Variants in G3BP1 observed in about 807,000 individuals in gnomAD.
G3BP1 encodes the protein G3BP stress granule assembly factor 1, also known as ras GTPase-activating protein-binding protein 1.
In G3BP1, 35 loss-of-function variants were observed where a neutral mutation model predicts 58.6. That is an observed-to-expected ratio of 0.60 (90% CI 0.46 to 0.79). The LOEUF (loss-of-function observed/expected upper bound fraction) is 0.79, where lower values mean the gene tolerates loss of function less well. Ranked by LOEUF, G3BP1 falls within the 30% of genes least tolerant of loss-of-function variation. The pLI is 0.00. For synonymous variants in G3BP1, 191 were observed against 195.4 expected (o/e 0.98, Z 0.19); for missense variants, 523 against 580.8 (o/e 0.90, Z 1.02).
At chr5:151,792,466 A>G (rs1762675385) in intron 4 of G3BP1, among the ~76,000 whole-genome samples, 1 of 152,256 alleles carries the variant, frequency 6.6e-6, no homozygotes, top group South Asian at 2.1e-4. Context: ...GCAAAGAATC[A>G]CATGGAGTAT....
intron 1 of G3BP1, among the ~76,000 whole-genome samples, chr5:151,773,598 T>G (rs1762315901): frequency 6.6e-6 from 1 of 152,246 alleles, no homozygotes; most frequent in African/African-American, 2.4e-5. Context: ...ATAAATCTTC[T>G]ATGTTATAGA....
In G3BP1 at chr5:151,790,878, ATTTTT is replaced by A; in HGVS notation, c.178-8_178-4del. The A allele has an allele frequency of 1.4e-6, 2 of 1,448,206 alleles. No homozygotes were observed. The highest frequency in any genetic ancestry group is 1.9e-6 in the Non-Finnish European group (2 of 1,050,616). 89.7% of individuals were successfully genotyped at this position (1,448,206 alleles called of 1,614,324 possible). On this transcript the variant is annotated splice_polypyrimidine_tract_variant and splice_region_variant and intron_variant, in intron 3 of 11. Coordinates refer to ENST00000356245, the MANE Select transcript of G3BP1 (RefSeq NM_005754.3). ...TCAGTTGATTATTATTATTATTATT[ATTTTT>A]TTAAGGAAATCCACAGGAAAGTGAT...
chr5:151,772,988 A>G (rs1211542814), intron 1 of G3BP1, among the ~76,000 whole-genome samples: 1 of 152,194 alleles, frequency 6.6e-6, no homozygotes, highest in African/African-American at 2.4e-5. Flanking sequence ...GTGTACTTGT[A>G]CAGGCCCTGG....
At position 151,805,560 on chromosome 5, in the gene G3BP1, A is replaced by G. The variant is rs1762928401; in HGVS notation, c.*1469A>G. On this transcript the variant is annotated 3_prime_UTR_variant, in exon 12 of 12. Coordinates refer to ENST00000356245, the MANE Select transcript of G3BP1 (RefSeq NM_005754.3). ...TAGGACTGTCGTTTGAGGATAGCAT[A>G]GGAATATTTGGTTTGCATTACTGAG... 1 of 152,220 alleles carries G rather than the reference A, an allele frequency of 6.6e-6. No individual in the cohort carries two copies. Among genetic ancestry groups the G allele is most frequent in the South Asian group, 2.1e-4 (1 of 4,832 alleles). The allele number at this position is 152,220 out of a possible 1,614,324, so 9.4% of individuals were successfully genotyped here.
In G3BP1 at chr5:151,804,042, T is replaced by C. The variant is rs758658646; in HGVS notation, c.1352T>C (p.Val451Ala). 1.8e-5 allele frequency: 29 copies of C among 1,612,662 alleles called. No homozygotes were observed. Among genetic ancestry groups the C allele is most frequent in the African/African-American group, 5.3e-5 (4 of 74,834 alleles). ...AGAGGCCCTCCCCGTGGAGGCATGG[T>C]GCAGAAACCAGGATTTGGAGTGGGA... ...GMRGPPRGGM[V>A]QKPGFGVGRG... Residue 451 changes from valine (V) to alanine (A), a missense_variant, in exon 12 of 12, where the codon GTG becomes GCG. Around this residue, in one of 2 missense-constraint regions of G3BP1, gnomAD observed 125 missense variants for 181.7 expected, o/e 0.69. Transcript: ENST00000356245.
chr5:151,788,615 T>TGTGTGTGTG (rs1276643889), intron 2 of G3BP1, among the ~76,000 whole-genome samples: 20 of 147,178 alleles, frequency 1.4e-4, no homozygotes, highest in Admixed American at 2.7e-4. Context: ...TGTGTGTGTA[T>TGTGTGTGTG]TATTTATTTA....
intron 1 of G3BP1, among the ~76,000 whole-genome samples, chr5:151,781,144 GTTAT>G (rs1762463910): frequency 6.6e-6 from 1 of 152,112 alleles, no homozygotes. Flanking sequence ...TGTGGATACT[GTTAT>G]TTACTACTGT....
chr5:151,780,584 C>T (rs539911144), intron 1 of G3BP1, among the ~76,000 whole-genome samples: 2 of 152,242 alleles, frequency 1.3e-5, no homozygotes, highest in East Asian at 3.9e-4. Context: ...GATCTTGGCT[C>T]ATTGCAAGAG....
chr5:151,794,294 A>T (rs1762709975), intron 5 of G3BP1, 45 bp downstream of exon 5: 2 of 1,037,554 alleles, frequency 1.9e-6, no homozygotes, highest in Non-Finnish European at 3.1e-6. Flanking sequence ...ATTTTTTTTA[A>T]TGGCATCCGA....
intron 7 of G3BP1, among the ~76,000 whole-genome samples, chr5:151,798,294 A>T (rs1762791254): frequency 6.6e-6 from 1 of 152,086 alleles, no homozygotes; most frequent in African/African-American, 2.4e-5. Flanking sequence ...GGCTGCAGTG[A>T]GCTATGATTA....
At chr5:151,795,677 AAAT>A in intron 6 of G3BP1, 102 bp downstream of exon 6, 2 of 599,044 alleles carry the variant, frequency 3.3e-6, no homozygotes, top group Admixed American at 3.1e-5. Flanking sequence ...AATTACCTCA[AAAT>A]AATAATTTCT....
At chr5:151,796,887 GC>G (rs201183126) in intron 6 of G3BP1, among the ~76,000 whole-genome samples, 1,425 of 69,622 alleles carry the variant, frequency 0.02, 17 homozygotes, top group African/African-American at 0.07. Context: ...TTTCTTTCCC[GC>G]CCCCCCCGCC....
At chr5:151,800,534 G>A (rs57076413) in intron 10 of G3BP1, among the ~76,000 whole-genome samples, 188 bp downstream of exon 10, 2 of 151,818 alleles carry the variant, frequency 1.3e-5, no homozygotes, top group Non-Finnish European at 2.9e-5. Context: ...CAACATGTAA[G>A]AATATTGTGA....
rs1762944447 is a variant in G3BP1 at position 151,806,787 on chromosome 5, G to C, written c.*2696G>C. The stretch of plus-strand genomic sequence containing the variant: ...ACTGAGCTTAGAACTCTTGACCCAT[G>C]AGATTTTTTTTTTAAATTTTTATTT... On this transcript the variant is annotated 3_prime_UTR_variant, in exon 12 of 12. Transcript: ENST00000356245. 6.6e-6 allele frequency: 1 copy of C among 152,070 alleles called. No homozygotes were observed. Among genetic ancestry groups the C allele is most frequent in the Admixed American group, 6.6e-5 (1 of 15,266 alleles). 9.4% of individuals were successfully genotyped at this position (152,070 alleles called of 1,614,324 possible). A position where few individuals can be genotyped will look rare whatever the true frequency, so the allele number is the denominator to read the frequency against.
chr5:151,797,756 C>T (rs974724840), intron 7 of G3BP1, among the ~76,000 whole-genome samples: 2 of 152,216 alleles, frequency 1.3e-5, no homozygotes, highest in African/African-American at 4.8e-5. Flanking sequence ...TTATTACATA[C>T]TTGTTACTAC....
At chr5:151,784,656 T>C (rs369080063) in intron 1 of G3BP1, among the ~76,000 whole-genome samples, 10 of 152,334 alleles carry the variant, frequency 6.6e-5, no homozygotes, top group African/African-American at 2.2e-4. Flanking sequence ...ATTATTTTAA[T>C]TTAGCACTTA....
intron 5 of G3BP1, among the ~76,000 whole-genome samples, chr5:151,795,088 T>C (rs1222569452): frequency 6.6e-5 from 10 of 152,152 alleles, no homozygotes; most frequent in Non-Finnish European, 1.5e-4. Context: ...CCATCCTGGC[T>C]AACATGGTGA....
intron 3 of G3BP1, 30 bp downstream of exon 3, chr5:151,790,434 TAAGC>T (rs1326238036): frequency 8.1e-7 from 1 of 1,239,072 alleles, no homozygotes; most frequent in African/African-American, 1.5e-5. Context: ...TTTAGGCTGT[TAAGC>T]AGGTAGAAAA....
Position 151,808,183 on chromosome 5 carries a change from T to G in G3BP1, c.*4092T>G, listed in dbSNP as rs1762965845. 2 of 152,218 alleles carry G rather than the reference T, an allele frequency of 1.3e-5. No homozygotes were observed. The highest frequency in any genetic ancestry group is 1.3e-4 in the Admixed American group (2 of 15,280). The allele number at this position is 152,218 out of a possible 1,614,324, so 9.4% of individuals were successfully genotyped here. A position where few individuals can be genotyped will look rare whatever the true frequency, so the allele number is the denominator to read the frequency against. Reference sequence around the variant, plus strand: ...AATGCCTTTTGGGATTTATATTTGTTTAATGTTGAGATTCTGGGGACCATA... The same window carrying G: ...AATGCCTTTTGGGATTTATATTTGTGTAATGTTGAGATTCTGGGGACCATA... On this transcript the variant is annotated 3_prime_UTR_variant, in exon 12 of 12. Coordinates refer to ENST00000356245, the MANE Select transcript of G3BP1 (RefSeq NM_005754.3).
Sources: allele counts gnomAD v4.1 joint callset (sites outside exome capture counted in the v4.1 genomes callset), GRCh38; gene constraint gnomAD v4.1.1; regional missense constraint gnomAD v4.1.1; transcripts MANE v1.5; gene names NCBI Gene and HGNC (gene_info 2026-07-23, HGNC 2026-07-21).